Variants in LDB2 observed in about 807,000 individuals in gnomAD.
LDB2 encodes LIM domain binding 2, also known as LIM domain-binding protein 2.
LDB2 carries 12 observed loss-of-function variants against 44.3 expected under a neutral mutation model. That is an observed-to-expected ratio of 0.27 (90% CI 0.17 to 0.44). The LOEUF (loss-of-function observed/expected upper bound fraction) is 0.44. Among genes scored for constraint, LDB2 ranks in the 20% least tolerant of loss-of-function variants. The probability of loss-of-function intolerance (pLI) is 1.00; values close to 1 mark genes in which losing one functional copy is unlikely to be tolerated. For synonymous variants in LDB2, 164 were observed against 174.8 expected, an observed-to-expected ratio of 0.94 and a Z score of 0.49; for missense variants, 344 against 473.5, an observed-to-expected ratio of 0.73 and a Z score of 2.54.
Position 16,589,683 on chromosome 4 carries a change from G to A in LDB2, c.409-851C>T, listed in dbSNP as rs141863554. 1.9e-3 allele frequency among the ~76,000 whole-genome samples: 294 copies of A among 152,090 alleles called. 2 individuals carry two copies. The highest frequency in any genetic ancestry group is 2.6e-3 in the Non-Finnish European group (180 of 68,008). Reference sequence around the variant, plus strand: ...GGAAAGTGCTATGCAATCACGAACCGCTGAGCCTATTTCAACTATGAGCTA... The same window carrying A: ...GGAAAGTGCTATGCAATCACGAACCACTGAGCCTATTTCAACTATGAGCTA... On this transcript the variant is annotated intron_variant, in intron 3 of 7. Transcript: ENST00000304523.
intron 5 of LDB2, 60 bp from the exon 6 acceptor site, chr4:16,512,164 A>G (rs868708547): frequency 7.0e-7 from 1 of 1,427,314 alleles, no homozygotes; most frequent in Non-Finnish European, 9.4e-7. Context: ...TACAATAAAT[A>G]ATGCTAACAG....
intron 2 of LDB2, among the ~76,000 whole-genome samples, chr4:16,618,409 T>C (rs1168310230): frequency 6.6e-6 from 1 of 152,210 alleles, no homozygotes. Context: ...TTCATGCTCA[T>C]AGGACTTGTC....
chr4:16,863,373 T>C (rs1477465264), intron 1 of LDB2, among the ~76,000 whole-genome samples: 2 of 152,194 alleles, frequency 1.3e-5, no homozygotes, highest in Non-Finnish European at 2.9e-5. Flanking sequence ...ATTCAGGTAT[T>C]TGTATTAGGT....
intron 1 of LDB2, among the ~76,000 whole-genome samples, chr4:16,778,294 C>T (rs146575298): frequency 6.5e-4 from 99 of 152,310 alleles, no homozygotes; most frequent in African/African-American, 2.4e-3. Context: ...CACAATCATA[C>T]GCACACACGC....
intron 1 of LDB2, among the ~76,000 whole-genome samples, chr4:16,830,538 G>A (rs1783878953): frequency 6.6e-6 from 1 of 152,204 alleles, no homozygotes; most frequent in Admixed American, 6.5e-5. Flanking sequence ...GTGTGGAGGA[G>A]AGATCTCACA....
chr4:16,789,368 C>A (rs1449568224), intron 1 of LDB2, among the ~76,000 whole-genome samples: 1 of 152,162 alleles, frequency 6.6e-6, no homozygotes. Flanking sequence ...GTGAACCAGA[C>A]AAACAAGGTT....
chr4:16,747,355 G>A (rs1338674626), intron 2 of LDB2, among the ~76,000 whole-genome samples: 3 of 152,192 alleles, frequency 2.0e-5, no homozygotes, highest in Non-Finnish European at 4.4e-5. Flanking sequence ...GTCTAGAAGT[G>A]TGGAGAACTA....
chr4:16,564,541 G>T (rs1276922650), intron 5 of LDB2, among the ~76,000 whole-genome samples: 2 of 152,184 alleles, frequency 1.3e-5, no homozygotes, highest in Non-Finnish European at 2.9e-5. Context: ...CATCTCTTGT[G>T]AGGTGTCCTT....
chr4:16,534,864 T>C (rs1323208798), intron 5 of LDB2, among the ~76,000 whole-genome samples: 2 of 152,158 alleles, frequency 1.3e-5, no homozygotes, highest in African/African-American at 4.8e-5. Flanking sequence ...TCATGTACCC[T>C]GAGGTCTCTC....
intron 2 of LDB2, among the ~76,000 whole-genome samples, chr4:16,631,347 T>C (rs571880662): frequency 1.3e-5 from 2 of 152,030 alleles, no homozygotes; most frequent in South Asian, 2.1e-4. Context: ...GGGTAAATAA[T>C]GAAATGAAGG....
At chr4:16,656,094 G>A (rs1189110043) in intron 2 of LDB2, among the ~76,000 whole-genome samples, 2 of 151,906 alleles carry the variant, frequency 1.3e-5, no homozygotes, top group Non-Finnish European at 2.9e-5. Flanking sequence ...TAGAGACGGG[G>A]TTTTACTGTG....
At position 16,898,422 on chromosome 4, in the gene LDB2, T is replaced by C; in HGVS notation, c.64A>G (p.Thr22Ala). ...SPFGPFYRRHTPYMVQPEYRI... is the reference protein window; with the variant it reads ...SPFGPFYRRHAPYMVQPEYRI... The stretch of plus-strand genomic sequence containing the variant: ...TACTCTGGCTGTACCATGTATGGTG[T>C]ATGCCTCCTATAAAATGGGCCGAAA... The change falls in exon 1 of 8, where the codon ACA (threonine) becomes GCA (alanine). Residue 22 changes from threonine to alanine, a missense_variant. Around this residue, in one of 3 missense-constraint regions of LDB2, gnomAD observed 226 missense variants for 270.1 expected, o/e 0.84. Transcript: ENST00000304523. 1 of 1,613,796 alleles carries C rather than the reference T, an allele frequency of 6.2e-7. No individual in the cohort carries two copies. The highest frequency in any genetic ancestry group is 8.5e-7 in the Non-Finnish European group (1 of 1,179,804).
At chr4:16,859,857 T>C (rs1261131110) in intron 1 of LDB2, among the ~76,000 whole-genome samples, 1 of 152,224 alleles carries the variant, frequency 6.6e-6, no homozygotes, top group Non-Finnish European at 1.5e-5. Context: ...AAAAGTGACA[T>C]ATATTGAACG....
At chr4:16,550,097 C>G (rs1340388488) in intron 5 of LDB2, among the ~76,000 whole-genome samples, 1 of 152,138 alleles carries the variant, frequency 6.6e-6, no homozygotes, top group African/African-American at 2.4e-5. Context: ...AAGATCTTAC[C>G]TAAGTAAGTT....
At chr4:16,690,024 T>C (rs1471555306) in intron 2 of LDB2, among the ~76,000 whole-genome samples, 2 of 152,190 alleles carry the variant, frequency 1.3e-5, no homozygotes, top group Non-Finnish European at 2.9e-5. Flanking sequence ...AATTGGGTGA[T>C]ACCTATGTGT....
intron 1 of LDB2, among the ~76,000 whole-genome samples, chr4:16,895,544 TTG>T (rs60440696): frequency 2.7e-5 from 4 of 150,616 alleles, no homozygotes; most frequent in African/African-American, 7.3e-5. Context: ...TGGGGTGTGT[TTG>T]TGTGTGTGTG....
rs978255599 is a variant in LDB2, at chr4:16,874,040, C to T, written c.132+24314G>A. Among the ~76,000 whole-genome samples, 7 of 152,172 alleles carry T rather than the reference C, an allele frequency of 4.6e-5. No homozygotes were observed. In the East Asian group the frequency reaches 1.4e-3, roughly 29 times the overall value. ...TACTGATATATCACATTTTGTTTAT[C>T]CAGTCATCGCTTAACAGACATTTGG... On this transcript the variant is annotated intron_variant, in intron 1 of 7. Transcript: ENST00000304523.
At chr4:16,581,435 A>G (rs1714413066) in intron 5 of LDB2, 1 of 985,382 alleles carries the variant, frequency 1.0e-6, no homozygotes, top group Non-Finnish European at 1.2e-6. Flanking sequence ...TGGAAAAAAA[A>G]AATCTTTTGA....
intron 5 of LDB2, among the ~76,000 whole-genome samples, chr4:16,560,182 C>G (rs191700365): frequency 2.0e-5 from 3 of 152,138 alleles, no homozygotes; most frequent in African/African-American, 7.2e-5. Flanking sequence ...CAAACACATT[C>G]AAAAGCTAGC....
Sources: allele counts gnomAD v4.1 joint callset (sites outside exome capture counted in the v4.1 genomes callset), GRCh38; gene constraint gnomAD v4.1.1; regional missense constraint gnomAD v4.1.1; transcripts MANE v1.5; gene names NCBI Gene and HGNC (gene_info 2026-07-23, HGNC 2026-07-21).